Variants in PLEKHA8 observed in about 807,000 individuals in gnomAD.
PLEKHA8 encodes the protein pleckstrin homology domain containing A8.
PLEKHA8 carries 36 observed loss-of-function variants against 68.2 expected under a neutral mutation model. The observed-to-expected ratio is 0.53, with a 90% CI of 0.40 to 0.70. PLEKHA8 has a LOEUF of 0.70. Ranked by LOEUF, PLEKHA8 falls within the 30% of genes least tolerant of loss-of-function variation. PLEKHA8 has a pLI of 0.00. For synonymous variants in PLEKHA8, 211 were observed against 216.1 expected, an observed-to-expected ratio of 0.98 and a Z score of 0.20; for missense variants, 505 against 615.4, an observed-to-expected ratio of 0.82 and a Z score of 1.90.
intron 13 of PLEKHA8, among the ~76,000 whole-genome samples, chr7:30,118,893 A>C (rs1796650568): frequency 6.6e-6 from 1 of 152,230 alleles, no homozygotes; most frequent in Non-Finnish European, 1.5e-5. Flanking sequence ...TGCCTAAGTT[A>C]CGTGACACAG....
At chr7:30,077,972 C>T (rs950269556) in intron 13 of PLEKHA8, among the ~76,000 whole-genome samples, 4 of 152,022 alleles carry the variant, frequency 2.6e-5, no homozygotes, top group African/African-American at 7.3e-5. Flanking sequence ...AGCTGTATGA[C>T]GTTTATATAT....
chr7:30,076,978 G>A (rs1794647104), intron 13 of PLEKHA8, among the ~76,000 whole-genome samples: 1 of 152,096 alleles, frequency 6.6e-6, no homozygotes, highest in African/African-American at 2.4e-5. Context: ...AGGCAAGGTG[G>A]CTGCCTCCAT....
intron 13 of PLEKHA8, among the ~76,000 whole-genome samples, chr7:30,108,035 C>T (rs1262197095): frequency 1.6e-5 from 2 of 128,172 alleles, no homozygotes; most frequent in Admixed American, 8.0e-5. Context: ...CGCTATTGCA[C>T]TCCAGCCTGG....
chr7:30,065,392 C>T (rs1208729228), intron 12 of PLEKHA8, among the ~76,000 whole-genome samples: 2 of 152,162 alleles, frequency 1.3e-5, no homozygotes, highest in Middle Eastern at 3.4e-3. Context: ...TAAACCCACC[C>T]TCCCTCCAAA....
chr7:30,117,514 G>A (rs946640111), intron 13 of PLEKHA8, among the ~76,000 whole-genome samples: 20 of 152,074 alleles, frequency 1.3e-4, no homozygotes, highest in Admixed American at 1.0e-3. Context: ...AGACCAGCCT[G>A]GGCAACATAG....
intron 1 of PLEKHA8, among the ~76,000 whole-genome samples, chr7:30,036,219 A>T (rs1791062688): frequency 6.6e-6 from 1 of 151,742 alleles, no homozygotes; most frequent in Non-Finnish European, 1.5e-5. Context: ...GGTTGCAGTG[A>T]GCCAAGATCA....
intron 13 of PLEKHA8, among the ~76,000 whole-genome samples, chr7:30,109,616 G>C (rs201493005): frequency 2.0e-5 from 2 of 97,824 alleles, no homozygotes; most frequent in Non-Finnish European, 4.3e-5. Context: ...AAAAAAAAGA[G>C]AGAGAGATTA....
chr7:30,121,674 A>G (rs1796700188), intron 13 of PLEKHA8, among the ~76,000 whole-genome samples: 1 of 152,230 alleles, frequency 6.6e-6, no homozygotes, highest in South Asian at 2.1e-4. Context: ...TTTACAAGGA[A>G]AAAGAGTTGG....
At chr7:30,123,021 CT>C (rs1172194811) in intron 13 of PLEKHA8, among the ~76,000 whole-genome samples, 5 of 152,096 alleles carry the variant, frequency 3.3e-5, no homozygotes, top group African/African-American at 7.2e-5. Flanking sequence ...GGTCTCCTGA[CT>C]TTCCCCCCCC....
intron 13 of PLEKHA8, among the ~76,000 whole-genome samples, chr7:30,108,440 G>A (rs1003377235): frequency 3.3e-5 from 5 of 152,092 alleles, no homozygotes; most frequent in Admixed American, 1.3e-4. Context: ...TCTGTTCTTC[G>A]AAGTCTGGGT....
At chr7:30,106,585 G>A (rs1171831831) in intron 13 of PLEKHA8, among the ~76,000 whole-genome samples, 2 of 152,078 alleles carry the variant, frequency 1.3e-5, no homozygotes, top group Non-Finnish European at 1.5e-5. Context: ...CACACTATTA[G>A]GAGGTCTCAG....
chr7:30,121,172 T>C (rs1796691016), intron 13 of PLEKHA8, among the ~76,000 whole-genome samples: 1 of 152,172 alleles, frequency 6.6e-6, no homozygotes, highest in African/African-American at 2.4e-5. Context: ...TTTTTCAGGT[T>C]TGCCTCTTTT....
In PLEKHA8 at chr7:30,083,965, TG is replaced by T. The variant is rs1289554808; in HGVS notation, c.*5179del. ...AGGAAGGATGCTCTAGAAGTACTTC[TG>T]TTGTTTCCTAGAAGGCTATGAGCCA... On this transcript the variant is annotated 3_prime_UTR_variant, in exon 14 of 14. Coordinates refer to ENST00000449726, the MANE Select transcript of PLEKHA8 (RefSeq NM_001197026.2). 1.0e-6 allele frequency: 1 copy of T among 985,344 alleles called. No individual in the cohort carries two copies. Among genetic ancestry groups the T allele is most frequent in the African/African-American group, 1.7e-5 (1 of 57,238 alleles). The allele number at this position is 985,344 out of a possible 1,614,324, so 61.0% of individuals were successfully genotyped here.
At chr7:30,111,052 A>G (rs1029762618) in intron 13 of PLEKHA8, among the ~76,000 whole-genome samples, 3 of 151,748 alleles carry the variant, frequency 2.0e-5, no homozygotes, top group African/African-American at 7.3e-5. Context: ...CTACAGGCAC[A>G]CACCACCATG....
downstream of PLEKHA8, among the ~76,000 whole-genome samples, chr7:30,085,977 C>G (rs1316949330): frequency 6.6e-6 from 1 of 152,196 alleles, no homozygotes; most frequent in Non-Finnish European, 1.5e-5. Flanking sequence ...TCTGGAGGCC[C>G]TTGTTCCTTG....
At chr7:30,115,465 T>C (rs1481907775) in intron 13 of PLEKHA8, among the ~76,000 whole-genome samples, 1 of 152,020 alleles carries the variant, frequency 6.6e-6, no homozygotes, top group Non-Finnish European at 1.5e-5. Flanking sequence ...TATGCATATG[T>C]ATACACACAT....
chr7:30,123,604 C>G lies in PLEKHA8; in HGVS notation c.1363-5662C>G, dbSNP rs190532355. Among the ~76,000 whole-genome samples the G allele has an allele frequency of 1.1e-4, 16 of 152,278 alleles. No homozygotes were observed. In the East Asian group the frequency reaches 2.7e-3, roughly 26 times the overall value. On this transcript the variant is annotated intron_variant, in intron 13 of 13. Coordinates refer to the PLEKHA8 transcript ENST00000396257. ...ACTTTTTAGGGAGAATAATCAGGCA[C>G]TTAGACAGAAGGAGAGAATGTGGAT...
chr7:30,034,010 C>CTT lies in PLEKHA8; in HGVS notation c.40+5239_40+5240dup, dbSNP rs56796780. ...TTCATTACAGAGTTGTAAGAGGTTT[C>CTT]TTTTTTTTTTTTTTTTTTTTTTTTT... On this transcript the variant is annotated intron_variant, in intron 1 of 13. Coordinates refer to ENST00000449726, the MANE Select transcript of PLEKHA8 (RefSeq NM_001197026.2). 9.5e-4 allele frequency among the ~76,000 whole-genome samples: 33 copies of CTT among 34,664 alleles called. 3 individuals are homozygous for CTT. Among genetic ancestry groups the CTT allele is most frequent in the African/African-American group, 2.5e-3 (20 of 7,896 alleles). The allele number at this position is 34,664 out of a possible 152,430, so 22.7% of individuals were successfully genotyped here.
Position 30,054,749 on chromosome 7 carries a change from G to GA in PLEKHA8, c.842dup (p.Asn281LysfsTer3), listed in dbSNP as rs763723107. 3 of 1,603,892 alleles carry GA rather than the reference G, an allele frequency of 1.9e-6. No individual in the cohort carries two copies. On this transcript the variant is annotated frameshift_variant, in exon 8 of 14. Coordinates refer to ENST00000449726, the MANE Select transcript of PLEKHA8 (RefSeq NM_001197026.2). LOFTEE classifies it high-confidence loss of function. ...GGAAGGAAGATGGAATGGAAAACCT[G>GA]AAAAATCATGACAATAACTTGACTC...
Sources: gnomAD v4.1 joint callset for allele counts (sites outside exome capture counted in the v4.1 genomes callset) on GRCh38, gnomAD v4.1.1 for gene constraint, MANE v1.5 for transcripts, NCBI Gene and HGNC (gene_info 2026-07-23, HGNC 2026-07-21) for gene names.